PDE4D: variants seen among roughly 807,000 people sequenced by gnomAD.
PDE4D encodes phosphodiesterase 4D, also known as 3',5'-cyclic-AMP phosphodiesterase 4D.
PDE4D carries 24 observed loss-of-function variants against 87.4 expected under a neutral mutation model. The ratio of observed to expected loss-of-function variants is 0.27; its 90% CI spans 0.20 to 0.39. PDE4D has a LOEUF of 0.39. PDE4D is among the 10% of genes least tolerant of loss of function. PDE4D has a pLI of 1.00. For missense variants in PDE4D, 714 were observed against 1,041.0 expected, an observed-to-expected ratio of 0.69 and a Z score of 4.32; for synonymous variants, 384 against 383.2, an observed-to-expected ratio of 1.00 and a Z score of -0.02.
intron 1 of PDE4D, among the ~76,000 whole-genome samples, chr5:59,520,201 T>C (rs1811943181): frequency 6.6e-6 from 1 of 152,178 alleles, no homozygotes; most frequent in South Asian, 2.1e-4. Flanking sequence ...AGGCAGAGGT[T>C]ATGGTGAGCC....
chr5:59,668,250 A>C (rs1746401023), intron 1 of PDE4D, among the ~76,000 whole-genome samples: 1 of 152,244 alleles, frequency 6.6e-6, no homozygotes, highest in Admixed American at 6.5e-5. Context: ...ACTTTAAATG[A>C]GATGAATATG....
chr5:60,112,959 T>C (rs947074418), intron 2 of PDE4D, among the ~76,000 whole-genome samples: 1 of 152,082 alleles, frequency 6.6e-6, no homozygotes, highest in Non-Finnish European at 1.5e-5. Flanking sequence ...CAAGCTGCTT[T>C]CAAGGGTGAG....
At chr5:59,439,823 G>A (rs1410455574) in intron 1 of PDE4D, among the ~76,000 whole-genome samples, 1 of 152,140 alleles carries the variant, frequency 6.6e-6, no homozygotes, top group African/African-American at 2.4e-5. Flanking sequence ...GACTCAAAAA[G>A]GGATAAAAGG....
At chr5:59,503,617 A>G (rs1808707986) in intron 1 of PDE4D, among the ~76,000 whole-genome samples, 5 of 152,296 alleles carry the variant, frequency 3.3e-5, no homozygotes, top group Admixed American at 3.3e-4. Flanking sequence ...CTTTCTAAAA[A>G]CATCAAAGTA....
intron 1 of PDE4D, among the ~76,000 whole-genome samples, chr5:59,585,114 TG>T (rs1414823657): frequency 6.6e-6 from 1 of 152,074 alleles, no homozygotes; most frequent in African/African-American, 2.4e-5. Context: ...TTCTAGAGAC[TG>T]GGGATAGTAG....
intron 1 of PDE4D, among the ~76,000 whole-genome samples, chr5:59,313,118 A>C (rs934150401): frequency 8.5e-5 from 13 of 152,136 alleles, no homozygotes; most frequent in Non-Finnish European, 1.5e-4. Context: ...ATCATCATTA[A>C]AGGAACAGAG....
chr5:60,156,869 C>A (rs1053710915), intron 2 of PDE4D, among the ~76,000 whole-genome samples: 4 of 152,016 alleles, frequency 2.6e-5, no homozygotes, highest in Non-Finnish European at 5.9e-5. Flanking sequence ...ATATAATATA[C>A]CATGAAAGAG....
intron 1 of PDE4D, among the ~76,000 whole-genome samples, chr5:60,217,588 T>A (rs530319100): frequency 6.6e-6 from 1 of 151,878 alleles, no homozygotes; most frequent in Non-Finnish European, 1.5e-5. Context: ...ATTAATAACT[T>A]ATGTTCATCA....
At chr5:59,440,547 C>T (rs61517419) in intron 1 of PDE4D, among the ~76,000 whole-genome samples, 2 of 152,048 alleles carry the variant, frequency 1.3e-5, no homozygotes, top group African/African-American at 2.4e-5. Context: ...GAGGCTGAGG[C>T]GGGCAGATCA....
intron 1 of PDE4D, among the ~76,000 whole-genome samples, chr5:60,466,339 T>C (rs892643557): frequency 6.6e-6 from 1 of 152,210 alleles, no homozygotes; most frequent in African/African-American, 2.4e-5. Context: ...TATCAATGAA[T>C]TGAAAGATGC....
intron 1 of PDE4D, among the ~76,000 whole-genome samples, chr5:59,318,763 G>C (rs1774188432): frequency 6.6e-6 from 1 of 152,024 alleles, no homozygotes; most frequent in African/African-American, 2.4e-5. Flanking sequence ...CTGGATGCAT[G>C]CTGTTTTTGT....
At chr5:59,148,754 GGT>G (rs3061422) in intron 5 of PDE4D, among the ~76,000 whole-genome samples, 5,858 of 145,524 alleles carry the variant, frequency 0.04, 111 homozygotes, top group Non-Finnish European at 0.053. Context: ...AATATATAGC[GGT>G]GTGTGTGTGT....
rs536957809 is a variant in PDE4D, at chr5:60,355,042, A to T, written c.-90+132900T>A. On this transcript the variant is annotated intron_variant, in intron 1 of 16. Coordinates refer to the PDE4D transcript ENST00000502484. The stretch of plus-strand genomic sequence containing the variant: ...TTATGGAAATGCCATGTAACATAGG[A>T]GGAATAACTAATAAGTTTCCTGGAA... Among the ~76,000 whole-genome samples, 5 of 152,306 alleles carry T rather than the reference A, an allele frequency of 3.3e-5. No individual in the cohort carries two copies. In the South Asian group the frequency reaches 1.0e-3, roughly 32 times the overall value.
rs147138297 is a variant in PDE4D, at chr5:59,384,916, C to T, written c.456-168948G>A. Reference sequence around the variant, plus strand: ...TAGTTAAATTAACAATCACTGTTTACATATTTTTACTATATATAAATCTTA... The same window carrying T: ...TAGTTAAATTAACAATCACTGTTTATATATTTTTACTATATATAAATCTTA... On this transcript the variant is annotated intron_variant, in intron 1 of 14. Coordinates refer to ENST00000340635, the MANE Select transcript of PDE4D (RefSeq NM_001104631.2). 7.5e-3 allele frequency among the ~76,000 whole-genome samples: 1,133 copies of T among 152,060 alleles called. 16 individuals are homozygous for T. The highest frequency in any genetic ancestry group is 0.025 in the African/African-American group (1,030 of 41,490).
intron 1 of PDE4D, among the ~76,000 whole-genome samples, chr5:60,452,332 T>C (rs702556): frequency 6.6e-6 from 1 of 152,132 alleles, no homozygotes; most frequent in South Asian, 2.1e-4. Flanking sequence ...TTGAATAACA[T>C]TGGGAAAAGG....
At chr5:60,427,350 G>C (rs756134179) in intron 1 of PDE4D, among the ~76,000 whole-genome samples, 1 of 152,168 alleles carries the variant, frequency 6.6e-6, no homozygotes, top group Non-Finnish European at 1.5e-5. Flanking sequence ...GGATAAGAAT[G>C]ATCATGGGCT....
chr5:60,298,030 C>G lies in PDE4D; in HGVS notation c.-89-112343G>C, dbSNP rs180888592. Reference sequence around the variant, plus strand: ...TCTCAATTATCAAATTCTTTTTGTACTTTCAGATAATCCCTCTACTTGAGC... The same window carrying G: ...TCTCAATTATCAAATTCTTTTTGTAGTTTCAGATAATCCCTCTACTTGAGC... On this transcript the variant is annotated intron_variant, in intron 1 of 16. Coordinates refer to the PDE4D transcript ENST00000502484. Among the ~76,000 whole-genome samples the G allele has an allele frequency of 8.5e-5, 13 of 152,218 alleles. No individual in the cohort carries two copies. In the East Asian group the frequency reaches 2.5e-3, roughly 29 times the overall value.
intron 1 of PDE4D, among the ~76,000 whole-genome samples, chr5:59,298,095 C>T (rs993158606): frequency 2.7e-5 from 4 of 150,758 alleles, no homozygotes; most frequent in Admixed American, 6.6e-5. Context: ...GGCAGCCAAC[C>T]CCAAGGCACA....
chr5:59,072,972 A>G (rs1765096660), intron 5 of PDE4D, among the ~76,000 whole-genome samples: 1 of 152,244 alleles, frequency 6.6e-6, no homozygotes, highest in African/African-American at 2.4e-5. Flanking sequence ...CTTAGATGGA[A>G]CAGATGGAAT....
Sources: allele counts gnomAD v4.1 joint callset (sites outside exome capture counted in the v4.1 genomes callset), GRCh38; gene constraint gnomAD v4.1.1; transcripts MANE v1.5; gene names NCBI Gene and HGNC (gene_info 2026-07-23, HGNC 2026-07-21).